Variants in FLI1 observed in about 807,000 individuals in gnomAD.
The protein encoded by FLI1 is Fli-1 proto-oncogene, ETS transcription factor, also known as Friend leukemia integration 1 transcription factor.
In FLI1, 13 loss-of-function variants were observed where a neutral mutation model predicts 53.1. That is an observed-to-expected ratio of 0.24 (90% CI 0.16 to 0.39). The LOEUF is 0.39. FLI1 is among the 10% of genes least tolerant of loss of function. The pLI is 1.00. For synonymous variants in FLI1, 244 were observed against 236.7 expected, an observed-to-expected ratio of 1.03 and a Z score of -0.28; for missense variants, 424 against 600.5, an observed-to-expected ratio of 0.71 and a Z score of 3.07.
At chr11:128,809,899 GT>G (rs1942893782) in intron 8 of FLI1, among the ~76,000 whole-genome samples, 2 of 152,130 alleles carry the variant, frequency 1.3e-5, no homozygotes, top group African/African-American at 2.4e-5. Flanking sequence ...CTCTGCACAA[GT>G]TCTCTGTAGA....
intron 1 of FLI1, among the ~76,000 whole-genome samples, chr11:128,744,313 A>G (rs1331650344): frequency 2.0e-5 from 3 of 152,206 alleles, no homozygotes; most frequent in Non-Finnish European, 4.4e-5. Context: ...TTTAGGGTTG[A>G]AGACCTGGAA....
intron 5 of FLI1, among the ~76,000 whole-genome samples, chr11:128,793,254 G>C: frequency 6.6e-6 from 1 of 151,954 alleles, no homozygotes; most frequent in Non-Finnish European, 1.5e-5. Context: ...GCCTCTGTAA[G>C]CTTCATAAAC....
intron 4 of FLI1, among the ~76,000 whole-genome samples, chr11:128,777,349 A>T (rs912590947): frequency 2.6e-5 from 4 of 152,156 alleles, no homozygotes. Context: ...TGGAAAAAAA[A>T]ACACTAAGAA....
chr11:128,770,436 G>A (rs919490178), intron 3 of FLI1, among the ~76,000 whole-genome samples: 7 of 152,302 alleles, frequency 4.6e-5, no homozygotes, highest in East Asian at 1.9e-4. Context: ...TGGAATAACC[G>A]ATTGAATTTA....
intron 1 of FLI1, among the ~76,000 whole-genome samples, chr11:128,709,413 T>C (rs1021928839): frequency 5.3e-5 from 8 of 152,186 alleles, no homozygotes; most frequent in Non-Finnish European, 1.2e-4. Flanking sequence ...TGCTTGCATG[T>C]GGTTAAATTC....
Position 128,705,105 on chromosome 11 carries a change from A to C in FLI1, c.18+10829A>C, listed in dbSNP as rs148419740. On this transcript the variant is annotated intron_variant, in intron 1 of 8. Transcript: ENST00000527786. ...GCCACTGTGATACATCACCAGATTGATACATACATCTCCATATAGTTTAGG... is the reference window on the plus strand; with the variant it reads ...GCCACTGTGATACATCACCAGATTGCTACATACATCTCCATATAGTTTAGG... Among the ~76,000 whole-genome samples the C allele has an allele frequency of 3.9e-5, 6 of 152,348 alleles. No individual in the cohort carries two copies. The East Asian group carries it at 1.2e-3, about 29-fold the overall frequency.
chr11:128,691,201 A>G (rs1937725669), upstream of FLI1, among the ~76,000 whole-genome samples: 1 of 152,222 alleles, frequency 6.6e-6, no homozygotes, highest in African/African-American at 2.4e-5. Context: ...CCAGGATCAA[A>G]CCATCTTTCC....
intron 1 of FLI1, among the ~76,000 whole-genome samples, chr11:128,755,135 T>C (rs1330703898): frequency 6.6e-6 from 1 of 152,210 alleles, no homozygotes; most frequent in Non-Finnish European, 1.5e-5. Context: ...GACAATCCTG[T>C]GTTCCCTGTT....
chr11:128,704,406 G>A (rs1938469355), intron 1 of FLI1, among the ~76,000 whole-genome samples: 1 of 152,084 alleles, frequency 6.6e-6, no homozygotes, highest in Non-Finnish European at 1.5e-5. Context: ...TTCCGTTAAT[G>A]CAAACTAAGA....
intron 4 of FLI1, among the ~76,000 whole-genome samples, chr11:128,776,579 A>AG (rs560737867): frequency 6.6e-6 from 1 of 152,024 alleles, no homozygotes; most frequent in South Asian, 2.1e-4. Flanking sequence ...TGAATGCGGG[A>AG]GGGGGAGGCT....
chr11:128,757,056 CTT>C (rs1940903963), intron 1 of FLI1, among the ~76,000 whole-genome samples: 3 of 117,898 alleles, frequency 2.5e-5, no homozygotes, highest in Admixed American at 8.4e-5. Flanking sequence ...TTCTTTCTTT[CTT>C]TCTTTCTTTC....
rs1941418516 is a variant in FLI1, at chr11:128,768,209, G to A, written c.322G>A (p.Glu108Lys). The change falls in exon 3 of 9, where the codon GAG becomes AAG. Residue 108 changes from glutamate to lysine, a missense_variant. Physicochemically the swap from Glu to Lys is moderately conservative, Grantham distance 56. Around this residue, in one of 5 missense-constraint regions of FLI1, gnomAD observed 137 missense variants for 169.1 expected, o/e 0.81. Coordinates refer to ENST00000527786, the MANE Select transcript of FLI1 (RefSeq NM_002017.5). Reference sequence around the variant, plus strand: ...CATGAACTACAACAGCTATATGGACGAGAAGAATGGCCCCCCTCCTCCCAA... The same window carrying A: ...CATGAACTACAACAGCTATATGGACAAGAAGAATGGCCCCCCTCCTCCCAA... ...NPMNYNSYMD[E>K]KNGPPPPNMT... 1 of 1,613,940 alleles carries A rather than the reference G, an allele frequency of 6.2e-7. No individual in the cohort carries two copies.
At chr11:128,739,959 C>T (rs148111411) in intron 1 of FLI1, among the ~76,000 whole-genome samples, 1 of 152,112 alleles carries the variant, frequency 6.6e-6, no homozygotes, top group Non-Finnish European at 1.5e-5. Flanking sequence ...CCGCATCAGG[C>T]CTGGCCAGAG....
rs541787931 is a variant in FLI1, at chr11:128,749,433, C to T, written c.19-8682C>T. On this transcript the variant is annotated intron_variant, in intron 1 of 8. Transcript: ENST00000527786. ...TTCCTCTCCTGCGGGCCTCTCCATA[C>T]GGTTGCTCAGCTTGGGCTAATCTGA... Among the ~76,000 whole-genome samples the T allele has an allele frequency of 8.5e-5, 13 of 152,292 alleles. 1 individual carries two copies. In the East Asian group the frequency reaches 1.3e-3, roughly 16 times the overall value.
intron 1 of FLI1, among the ~76,000 whole-genome samples, chr11:128,753,425 C>T (rs1940729139): frequency 6.6e-6 from 1 of 152,176 alleles, no homozygotes; most frequent in Non-Finnish European, 1.5e-5. Flanking sequence ...ATAGGAGAAG[C>T]AAAGTCATGA....
intron 1 of FLI1, among the ~76,000 whole-genome samples, chr11:128,739,075 G>A (rs557750606): frequency 1.3e-5 from 2 of 152,170 alleles, no homozygotes; most frequent in Non-Finnish European, 2.9e-5. Context: ...CACCAAACTC[G>A]ATGTTTATCA....
chr11:128,714,710 CTTTT>C (rs11381734), intron 1 of FLI1, among the ~76,000 whole-genome samples: 1 of 121,686 alleles, frequency 8.2e-6, no homozygotes, highest in African/African-American at 3.1e-5. Flanking sequence ...CTTGAAGGAC[CTTTT>C]TTTTTTTTTT....
chr11:128,794,169 T>C (rs1942360478), intron 5 of FLI1, among the ~76,000 whole-genome samples: 1 of 152,258 alleles, frequency 6.6e-6, no homozygotes, highest in South Asian at 2.1e-4. Flanking sequence ...TTGGCCTTGC[T>C]TGATGCAGCT....
chr11:128,772,493 C>T lies in FLI1; in HGVS notation c.386-289C>T, dbSNP rs646210. Among the ~76,000 whole-genome samples the T allele has an allele frequency of 0.19, 29,228 of 152,140 alleles. 2,984 individuals carry two copies. Among genetic ancestry groups the T allele is most frequent in the Admixed American group, 0.28 (4,315 of 15,280 alleles). On this transcript the variant is annotated intron_variant, in intron 3 of 8. Coordinates refer to ENST00000527786, the MANE Select transcript of FLI1 (RefSeq NM_002017.5). ...AATTGTGTTTATTTTCATTTTGATG[C>T]CACCATTTCTCAGGCAAAGGTTCCA...
Sources: gnomAD v4.1 joint callset for allele counts (sites outside exome capture counted in the v4.1 genomes callset) on GRCh38, gnomAD v4.1.1 for gene constraint, gnomAD v4.1.1 regional missense constraint, MANE v1.5 for transcripts, NCBI Gene and HGNC (gene_info 2026-07-23, HGNC 2026-07-21) for gene names.